Variants in SCHIP1 observed in about 807,000 individuals in gnomAD.
SCHIP1 encodes schwannomin interacting protein 1.
SCHIP1 carries 8 observed loss-of-function variants against 29.7 expected under a neutral mutation model. That is an observed-to-expected ratio of 0.27 (90% CI 0.16 to 0.49). The LOEUF (loss-of-function observed/expected upper bound fraction) is 0.49. SCHIP1 is among the 20% of genes least tolerant of loss of function. The probability of loss-of-function intolerance (pLI) is 0.99; values close to 1 mark genes in which losing one functional copy is unlikely to be tolerated. For synonymous variants in SCHIP1, 76 were observed against 94.9 expected, an observed-to-expected ratio of 0.80 and a Z score of 1.16; for missense variants, 193 against 294.6, an observed-to-expected ratio of 0.66 and a Z score of 2.52.
chr3:159,722,627 G>T, the SCHIP1 span, among the ~76,000 whole-genome samples: 1 of 152,040 alleles, frequency 6.6e-6, no homozygotes, highest in Non-Finnish European at 1.5e-5. Context: ...GTATAGAGAG[G>T]GTGTGTGTGC....
At chr3:159,470,661 T>C in the SCHIP1 span, among the ~76,000 whole-genome samples, 145 of 152,214 alleles carry the variant, frequency 9.5e-4, 1 homozygote, top group Non-Finnish European at 5.3e-4. Flanking sequence ...ACCATGTCCT[T>C]TCCTTTCCTC....
At chr3:159,826,460 T>C in the SCHIP1 span, among the ~76,000 whole-genome samples, 1 of 152,224 alleles carries the variant, frequency 6.6e-6, no homozygotes, top group Non-Finnish European at 1.5e-5. Flanking sequence ...ACATCTGCCA[T>C]GCAAATTTGT....
the SCHIP1 span, among the ~76,000 whole-genome samples, chr3:159,325,659 T>A: frequency 6.6e-6 from 1 of 152,238 alleles, no homozygotes; most frequent in East Asian, 1.9e-4. Context: ...CCTTTTCTTG[T>A]CACCATCACC....
chr3:159,706,879 A>C, the SCHIP1 span, among the ~76,000 whole-genome samples: 1 of 152,202 alleles, frequency 6.6e-6, no homozygotes, highest in Non-Finnish European at 1.5e-5. Context: ...ATTCTATGAA[A>C]TAAAGACAAA....
chr3:159,403,820 C>A, the SCHIP1 span, among the ~76,000 whole-genome samples: 1 of 152,002 alleles, frequency 6.6e-6, no homozygotes, highest in Non-Finnish European at 1.5e-5. Flanking sequence ...AAGGTGGCAC[C>A]ACCCCTCTCT....
the SCHIP1 span, among the ~76,000 whole-genome samples, chr3:159,544,913 T>C: frequency 6.6e-6 from 1 of 152,112 alleles, no homozygotes; most frequent in Non-Finnish European, 1.5e-5. Context: ...AAGAAATCTT[T>C]GCCTACTTCA....
At chr3:159,474,847 G>A in the SCHIP1 span, among the ~76,000 whole-genome samples, 1 of 152,240 alleles carries the variant, frequency 6.6e-6, no homozygotes, top group South Asian at 2.1e-4. Context: ...TCCATCCTTG[G>A]ATGTTTTTGA....
At chr3:159,294,571 G>T in the SCHIP1 span, among the ~76,000 whole-genome samples, 1 of 152,136 alleles carries the variant, frequency 6.6e-6, no homozygotes, top group Non-Finnish European at 1.5e-5. Flanking sequence ...GCTATTGTCT[G>T]CATATGCAGA....
At chr3:159,875,363 TG>T (rs1259872273) in intron 2 of SCHIP1, among the ~76,000 whole-genome samples, 10 of 152,060 alleles carry the variant, frequency 6.6e-5, no homozygotes, top group African/African-American at 1.4e-4. Context: ...CCCTGTCTTA[TG>T]AATTTTTTTT....
chr3:159,746,552 G>GTT, the SCHIP1 span, among the ~76,000 whole-genome samples: 5 of 151,658 alleles, frequency 3.3e-5, no homozygotes, highest in Admixed American at 2.6e-4. Flanking sequence ...ATAAAATTTA[G>GTT]TTTTTTTTCA....
chr3:159,337,022 G>C, the SCHIP1 span, among the ~76,000 whole-genome samples: 1 of 152,116 alleles, frequency 6.6e-6, no homozygotes, highest in East Asian at 1.9e-4. Context: ...ATTTCATTGA[G>C]CAGATGCAAG....
the SCHIP1 span, among the ~76,000 whole-genome samples, chr3:159,583,906 C>T: frequency 2.0e-5 from 3 of 152,266 alleles, no homozygotes; most frequent in South Asian, 2.1e-4. Context: ...TTTATTCTCT[C>T]GCTGAGTACT....
the SCHIP1 span, among the ~76,000 whole-genome samples, chr3:159,731,374 C>T: frequency 6.6e-6 from 1 of 152,220 alleles, no homozygotes; most frequent in African/African-American, 2.4e-5. Flanking sequence ...ATCCTCGTCC[C>T]TGCCAGCTGG....
chr3:159,676,812 C>T, the SCHIP1 span, among the ~76,000 whole-genome samples: 1 of 152,178 alleles, frequency 6.6e-6, no homozygotes, highest in African/African-American at 2.4e-5. Context: ...AACCACCCAA[C>T]CTCCCTGCAA....
At chr3:159,614,184 T>TA in the SCHIP1 span, among the ~76,000 whole-genome samples, 26,169 of 152,062 alleles carry the variant, frequency 0.17, 6,420 homozygotes, top group African/African-American at 0.55. Flanking sequence ...CTCCCCAGAA[T>TA]AGTGTGGGTT....
the SCHIP1 span, among the ~76,000 whole-genome samples, chr3:159,613,325 T>C: frequency 2.0e-5 from 3 of 152,226 alleles, no homozygotes; most frequent in African/African-American, 7.2e-5. Context: ...TATTTCAATA[T>C]TGAAGTAGAC....
At chr3:159,555,277 C>T in the SCHIP1 span, among the ~76,000 whole-genome samples, 1 of 152,090 alleles carries the variant, frequency 6.6e-6, no homozygotes, top group Non-Finnish European at 1.5e-5. Flanking sequence ...AGAATATGTG[C>T]TTGGAGAGCC....
the SCHIP1 span, among the ~76,000 whole-genome samples, chr3:159,635,996 GA>G: frequency 9.7e-3 from 1,466 of 151,474 alleles, 27 homozygotes; most frequent in African/African-American, 0.034. Context: ...TTTTTCTTTT[GA>G]AAAAAAATGG....
the SCHIP1 span, among the ~76,000 whole-genome samples, chr3:159,743,673 TG>T: frequency 6.6e-6 from 1 of 152,126 alleles, no homozygotes; most frequent in Non-Finnish European, 1.5e-5. Flanking sequence ...ACTTAGAGAA[TG>T]GGGGCAGAAG....
Sources: gnomAD v4.1 joint callset for allele counts (sites outside exome capture counted in the v4.1 genomes callset) on GRCh38, gnomAD v4.1.1 for gene constraint, MANE v1.5 for transcripts, NCBI Gene and HGNC (gene_info 2026-07-23, HGNC 2026-07-21) for gene names.